FBXL17: variants seen among roughly 807,000 people sequenced by gnomAD.
FBXL17 encodes the protein F-box and leucine rich repeat protein 17.
In FBXL17, 22 loss-of-function variants were observed where a neutral mutation model predicts 66.2. The ratio of observed to expected loss-of-function variants is 0.33; its 90% confidence interval spans 0.24 to 0.47. The LOEUF is 0.47. Among genes scored for constraint, FBXL17 ranks in the 20% least tolerant of loss-of-function variants. The pLI, the probability that FBXL17 is intolerant of heterozygous loss-of-function variation, is 1.00. For synonymous variants in FBXL17, 474 were observed against 400.5 expected, an observed-to-expected ratio of 1.18 and a Z score of -2.19; for missense variants, 878 against 948.2, an observed-to-expected ratio of 0.93 and a Z score of 0.97.
At chr5:108,248,464 T>G (rs77098138) in intron 4 of FBXL17, among the ~76,000 whole-genome samples, 6,618 of 152,122 alleles carry the variant, frequency 0.044, 775 homozygotes, top group East Asian at 0.39. Flanking sequence ...TACGTGACTA[T>G]GACAGAAAAT....
rs568841746 is a variant in FBXL17 at position 108,119,051 on chromosome 5, T to C, written c.1745+67066A>G. Among the ~76,000 whole-genome samples, 10 of 152,336 alleles carry C rather than the reference T, an allele frequency of 6.6e-5. No homozygotes were observed. The East Asian group carries it at 1.2e-3, about 18-fold the overall frequency. ...GCAAAAGGCACTCATTTCAAATTGC[T>C]GCAATTATTTGCTTTACATAGCTGC... On this transcript the variant is annotated intron_variant, in intron 6 of 8. Transcript: ENST00000542267.
chr5:108,009,308 T>TATATATACAC lies in FBXL17; in HGVS notation c.1822+11616_1822+11617insGTGTATATAT. On this transcript the variant is annotated intron_variant, in intron 7 of 8. Coordinates refer to ENST00000542267, the MANE Select transcript of FBXL17 (RefSeq NM_001163315.3). ...ATATATATATATATATATACATATA[T>TATATATACAC]ACATACACATATAGTTTTGCTTTTG... 3.1e-4 allele frequency among the ~76,000 whole-genome samples: 13 copies of TATATATACAC among 42,208 alleles called. 3 individuals carry two copies. Among genetic ancestry groups the TATATATACAC allele is most frequent in the African/African-American group, 9.7e-4 (11 of 11,326 alleles). 27.7% of individuals were successfully genotyped at this position (42,208 alleles called of 152,430 possible).
Position 108,221,145 on chromosome 5 carries a change from T to C in FBXL17, c.1614+2976A>G, listed in dbSNP as rs11749535. On this transcript the variant is annotated intron_variant, in intron 5 of 8. Coordinates refer to ENST00000542267, the MANE Select transcript of FBXL17 (RefSeq NM_001163315.3). ...GAGATTAGCAGAATCTAAGTAATAA[T>C]GGCATGTCATCAGTAAATATTACAA... is the stretch of plus-strand genomic sequence containing the variant. Among the ~76,000 whole-genome samples the C allele has an allele frequency of 6.4e-3, 978 of 152,300 alleles. 3 individuals carry two copies. The highest frequency in any genetic ancestry group is 0.011 in the Non-Finnish European group (729 of 68,016).
At chr5:108,063,406 T>C (rs775265307) in intron 6 of FBXL17, among the ~76,000 whole-genome samples, 2 of 152,206 alleles carry the variant, frequency 1.3e-5, no homozygotes, top group African/African-American at 2.4e-5. Context: ...CAGGAAAGTC[T>C]TGGGTATTTC....
At chr5:108,285,828 C>T (rs1375236428) in intron 4 of FBXL17, among the ~76,000 whole-genome samples, 1 of 148,904 alleles carries the variant, frequency 6.7e-6, no homozygotes, top group African/African-American at 2.5e-5. Flanking sequence ...TGTGACTCAA[C>T]AAAATAAAAA....
intron 7 of FBXL17, among the ~76,000 whole-genome samples, chr5:107,887,641 A>G (rs1026749170): frequency 6.6e-6 from 1 of 152,202 alleles, no homozygotes; most frequent in Non-Finnish European, 1.5e-5. Flanking sequence ...AGCTCCAAAA[A>G]CAAAGAAATG....
chr5:108,360,132 G>C (rs1157653076), intron 3 of FBXL17, among the ~76,000 whole-genome samples: 3 of 151,914 alleles, frequency 2.0e-5, no homozygotes, highest in Non-Finnish European at 4.4e-5. Flanking sequence ...TTCTGGTGTG[G>C]AATATCTTTT....
At chr5:108,277,086 A>C (rs1757513281) in intron 4 of FBXL17, among the ~76,000 whole-genome samples, 1 of 152,170 alleles carries the variant, frequency 6.6e-6, no homozygotes. Context: ...CTATCAATGA[A>C]AACAGAATCA....
intron 6 of FBXL17, among the ~76,000 whole-genome samples, chr5:108,105,835 T>C (rs991786676): frequency 5.9e-5 from 9 of 152,186 alleles, no homozygotes; most frequent in African/African-American, 2.2e-4. Flanking sequence ...GGAAAGGCCA[T>C]TAAGGCAAAA....
intron 7 of FBXL17, among the ~76,000 whole-genome samples, chr5:108,009,057 T>C (rs1754043931): frequency 6.6e-6 from 1 of 150,574 alleles, no homozygotes; most frequent in Admixed American, 6.7e-5. Context: ...AATACACAAG[T>C]ATCAATCATC....
At position 107,860,569 on chromosome 5, in the gene FBXL17, G is replaced by A. The variant is rs987452769; in HGVS notation, c.*1151C>T. On this transcript the variant is annotated 3_prime_UTR_variant, in exon 9 of 9. Coordinates refer to ENST00000542267, the MANE Select transcript of FBXL17 (RefSeq NM_001163315.3). ...TGACAAGTGTAAACAGAATTTCAAT[G>A]AACAGATTTTCTAATTTTCTTTCTT... The A allele has an allele frequency of 8.5e-5, 13 of 152,658 alleles. No individual in the cohort carries two copies. Among genetic ancestry groups the A allele is most frequent in the African/African-American group, 2.9e-4 (12 of 41,544 alleles). The allele number at this position is 152,658 out of a possible 1,614,324, so 9.5% of individuals were successfully genotyped here.
intron 4 of FBXL17, among the ~76,000 whole-genome samples, chr5:108,336,134 A>C (rs979013530): frequency 6.6e-6 from 1 of 152,170 alleles, no homozygotes; most frequent in Non-Finnish European, 1.5e-5. Context: ...AAAGAAAAAA[A>C]TATACGGGAA....
At chr5:108,232,804 TA>T (rs1554077867) in intron 4 of FBXL17, among the ~76,000 whole-genome samples, 7 of 112,014 alleles carry the variant, frequency 6.2e-5, no homozygotes, top group Admixed American at 9.0e-5. Flanking sequence ...TATATATATA[TA>T]ATATATACTA....
chr5:108,294,523 G>C (rs1459467270), intron 4 of FBXL17, among the ~76,000 whole-genome samples: 1 of 151,762 alleles, frequency 6.6e-6, no homozygotes, highest in Admixed American at 6.6e-5. Context: ...AACTGTCTAG[G>C]TTCAGAAGTT....
intron 7 of FBXL17, among the ~76,000 whole-genome samples, chr5:107,997,097 C>A (rs1312707967): frequency 6.6e-6 from 1 of 152,126 alleles, no homozygotes; most frequent in African/African-American, 2.4e-5. Context: ...ATGGAGTATT[C>A]CGGGATGAGA....
chr5:107,892,283 AG>A (rs1409502998), intron 7 of FBXL17, among the ~76,000 whole-genome samples: 1 of 150,214 alleles, frequency 6.7e-6, no homozygotes, highest in East Asian at 1.9e-4. Flanking sequence ...ATAAGCACTT[AG>A]GGGAAAAATC....
At chr5:108,306,821 C>T (rs1453942426) in intron 4 of FBXL17, among the ~76,000 whole-genome samples, 1 of 151,952 alleles carries the variant, frequency 6.6e-6, no homozygotes, top group Admixed American at 6.6e-5. Context: ...TCTCTCTCTT[C>T]ACTAATTAAT....
chr5:108,302,587 T>A (rs745692647), intron 4 of FBXL17, among the ~76,000 whole-genome samples: 2 of 151,800 alleles, frequency 1.3e-5, no homozygotes, highest in Admixed American at 1.3e-4. Context: ...GTAATTAAGA[T>A]AATTTTCCTC....
chr5:108,115,256 C>T (rs1750197629), intron 6 of FBXL17, among the ~76,000 whole-genome samples: 1 of 151,964 alleles, frequency 6.6e-6, no homozygotes, highest in South Asian at 2.1e-4. Flanking sequence ...AAAAGAGAAA[C>T]AGGAGAAGCA....
Sources: gnomAD v4.1 joint callset for allele counts (sites outside exome capture counted in the v4.1 genomes callset) on GRCh38, gnomAD v4.1.1 for gene constraint, MANE v1.5 for transcripts, NCBI Gene and HGNC (gene_info 2026-07-23, HGNC 2026-07-21) for gene names.